Variants in KCNQ3 observed in about 807,000 individuals in gnomAD.
KCNQ3 encodes potassium voltage-gated channel subfamily KQT member 3.
KCNQ3 carries 30 observed loss-of-function variants against 92.5 expected under a neutral mutation model. The ratio of observed to expected loss-of-function variants is 0.32; its 90% CI spans 0.24 to 0.44. The LOEUF (loss-of-function observed/expected upper bound fraction) is 0.44, where lower values mean the gene tolerates loss of function less well. Among genes scored for constraint, KCNQ3 ranks in the 20% least tolerant of loss-of-function variants. The pLI, the probability that KCNQ3 is intolerant of heterozygous loss-of-function variation, is 1.00. For synonymous variants in KCNQ3, 450 were observed against 468.8 expected (o/e 0.96, Z 0.52); for missense variants, 913 against 1,140.3 (o/e 0.80, Z 2.87).
intron 1 of KCNQ3, among the ~76,000 whole-genome samples, chr8:132,296,549 C>T (rs1343689865): frequency 6.6e-6 from 1 of 152,032 alleles, no homozygotes; most frequent in Non-Finnish European, 1.5e-5. Flanking sequence ...CTCCCCCCAC[C>T]CCACAACAGT....
chr8:132,443,193 G>A (rs1821583132), intron 1 of KCNQ3, among the ~76,000 whole-genome samples: 1 of 152,122 alleles, frequency 6.6e-6, no homozygotes, highest in South Asian at 2.1e-4. Flanking sequence ...CAATTTCTTT[G>A]TCAGGTTAGC....
At chr8:132,186,934 G>C (rs1430160198) in intron 1 of KCNQ3, among the ~76,000 whole-genome samples, 1 of 93,588 alleles carries the variant, frequency 1.1e-5, no homozygotes, top group Non-Finnish European at 2.2e-5. Flanking sequence ...GTGTGTGTGT[G>C]AGAGAGAGAG....
intron 7 of KCNQ3, among the ~76,000 whole-genome samples, chr8:132,170,947 A>G (rs1826320598): frequency 6.6e-6 from 1 of 151,922 alleles, no homozygotes; most frequent in Non-Finnish European, 1.5e-5. Flanking sequence ...TGAGCCCAGG[A>G]GGTTGAGGCT....
intron 1 of KCNQ3, among the ~76,000 whole-genome samples, chr8:132,407,626 C>T (rs1354729465): frequency 6.6e-6 from 1 of 152,216 alleles, no homozygotes; most frequent in Non-Finnish European, 1.5e-5. Flanking sequence ...CCCTTCCTCC[C>T]TCACAGGGAT....
intron 1 of KCNQ3, among the ~76,000 whole-genome samples, chr8:132,303,908 A>G (rs1335936032): frequency 1.3e-5 from 2 of 151,708 alleles, no homozygotes; most frequent in African/African-American, 2.4e-5. Context: ...TATATGTAAC[A>G]TTCTTTTTAT....
intron 1 of KCNQ3, among the ~76,000 whole-genome samples, chr8:132,307,085 C>G (rs545978343): frequency 7.2e-5 from 11 of 152,328 alleles, no homozygotes; most frequent in African/African-American, 2.6e-4. Flanking sequence ...TTCTTTACCA[C>G]AAATGACTGA....
intron 1 of KCNQ3, among the ~76,000 whole-genome samples, chr8:132,438,517 C>T (rs981386120): frequency 6.6e-6 from 1 of 152,128 alleles, no homozygotes; most frequent in Non-Finnish European, 1.5e-5. Context: ...GTGCTCAGAA[C>T]CCAGAGGCCC....
chr8:132,447,316 G>A, intron 1 of KCNQ3: 7 of 1,411,030 alleles, frequency 5.0e-6, no homozygotes, highest in Non-Finnish European at 5.8e-6. Flanking sequence ...GGCAGACAAG[G>A]GTCAAGATAA....
At chr8:132,396,217 A>G (rs16904679) in intron 1 of KCNQ3, among the ~76,000 whole-genome samples, 11,158 of 152,212 alleles carry the variant, frequency 0.073, 470 homozygotes, top group South Asian at 0.16. Context: ...TCTTTGCCCC[A>G]TTGAACAGAG....
intron 1 of KCNQ3, among the ~76,000 whole-genome samples, chr8:132,287,459 T>C (rs1361026373): frequency 6.6e-6 from 1 of 152,216 alleles, no homozygotes; most frequent in Admixed American, 6.5e-5. Flanking sequence ...TAAACAAAGT[T>C]TGTACACAAA....
chr8:132,443,388 G>A (rs1821590535), intron 1 of KCNQ3, among the ~76,000 whole-genome samples: 1 of 151,966 alleles, frequency 6.6e-6, no homozygotes, highest in Non-Finnish European at 1.5e-5. Flanking sequence ...TTCTTTAATT[G>A]GGTAGTTTCT....
chr8:132,364,987 T>A (rs529513295), intron 1 of KCNQ3, among the ~76,000 whole-genome samples: 40 of 152,186 alleles, frequency 2.6e-4, no homozygotes, highest in African/African-American at 8.4e-4. Context: ...GAAGTGGTTG[T>A]CTCCTATTGT....
At chr8:132,403,452 G>A (rs927838085) in intron 1 of KCNQ3, among the ~76,000 whole-genome samples, 11 of 152,274 alleles carry the variant, frequency 7.2e-5, no homozygotes, top group Admixed American at 1.3e-4. Flanking sequence ...TGGCACATTC[G>A]AGGAGCAACA....
At chr8:132,479,442 C>T (rs1421335388) in intron 1 of KCNQ3, among the ~76,000 whole-genome samples, 1 of 152,078 alleles carries the variant, frequency 6.6e-6, no homozygotes, top group Non-Finnish European at 1.5e-5. Flanking sequence ...AGTCCCCGGC[C>T]CCCTCACCTC....
chr8:132,175,963 C>A (rs775982587), intron 4 of KCNQ3, among the ~76,000 whole-genome samples: 1 of 152,294 alleles, frequency 6.6e-6, no homozygotes, highest in South Asian at 2.1e-4. Context: ...TGGGTCTATG[C>A]AGGACTGCGT....
chr8:132,157,924 C>T (rs965782396), intron 9 of KCNQ3, among the ~76,000 whole-genome samples: 11 of 152,004 alleles, frequency 7.2e-5, no homozygotes, highest in East Asian at 3.9e-4. Context: ...TGAGAACATG[C>T]GGTGTCTGAT....
At position 132,186,075 on chromosome 8, in the gene KCNQ3, C is replaced by T; in HGVS notation, c.477+16G>A. On this transcript the variant is annotated intron_variant, in intron 2 of 14. Transcript: ENST00000388996. ...GAAGCCCAACCAGAAGCATTTACCC[C>T]AGAATGCAATCTTACCAGTAACAGA... 1.3e-6 allele frequency: 2 copies of T among 1,595,450 alleles called. No individual in the cohort carries two copies. Among genetic ancestry groups the T allele is most frequent in the African/African-American group, 1.3e-5 (1 of 74,580 alleles).
intron 14 of KCNQ3, 70 bp from the exon 15 acceptor site, chr8:132,130,066 G>A (rs1347578911): frequency 2.1e-6 from 3 of 1,409,546 alleles, no homozygotes; most frequent in Non-Finnish European, 2.9e-6. Flanking sequence ...TGGTTGGGAG[G>A]AAATATTCTT....
chr8:132,135,402 C>T (rs1825049811), intron 12 of KCNQ3, among the ~76,000 whole-genome samples: 1 of 152,064 alleles, frequency 6.6e-6, no homozygotes, highest in African/African-American at 2.4e-5. Flanking sequence ...GGTCCAGGAC[C>T]ATTAAGACTA....
Sources: allele counts gnomAD v4.1 joint callset (sites outside exome capture counted in the v4.1 genomes callset), GRCh38; gene constraint gnomAD v4.1.1; transcripts MANE v1.5; gene names NCBI Gene and HGNC (gene_info 2026-07-23, HGNC 2026-07-21).